NINJ2: variants seen among roughly 807,000 people sequenced by gnomAD.
NINJ2 encodes the protein ninjurin-2.
NINJ2 carries 12 observed loss-of-function variants against 11.7 expected under a neutral mutation model. The ratio of observed to expected loss-of-function variants is 1.02; its 90% CI spans 0.66 to 1.66. NINJ2 has a LOEUF of 1.66. Ranked by LOEUF, NINJ2 falls within the 40% of genes most tolerant of loss-of-function variation. NINJ2 has a pLI of 0.00. For missense variants in NINJ2, 187 were observed against 181.8 expected (o/e 1.03, Z -0.16); for synonymous variants, 93 against 76.8 (o/e 1.21, Z -1.10).
chr12:621,637 T>G (rs554429657), intron 1 of NINJ2, among the ~76,000 whole-genome samples: 1 of 146,290 alleles, frequency 6.8e-6, no homozygotes, highest in Non-Finnish European at 1.5e-5. Flanking sequence ...GCCAACATGG[T>G]GAAACCCCAT....
intron 1 of NINJ2, among the ~76,000 whole-genome samples, chr12:650,850 G>C (rs1937776138): frequency 6.6e-6 from 1 of 152,178 alleles, no homozygotes; most frequent in Non-Finnish European, 1.5e-5. Context: ...TGAAGAAACG[G>C]AAAAATCAAC....
At chr12:630,459 C>T (rs1948266048) in intron 1 of NINJ2, among the ~76,000 whole-genome samples, 1 of 151,906 alleles carries the variant, frequency 6.6e-6, no homozygotes, top group Non-Finnish European at 1.5e-5. Flanking sequence ...ACTGCAAGCT[C>T]CATCTCCCGG....
Position 587,815 on chromosome 12 carries a change from A to T in NINJ2, c.34-21637T>A, listed in dbSNP as rs1302190097. 2.0e-5 allele frequency among the ~76,000 whole-genome samples: 3 copies of T among 152,196 alleles called. 1 individual carries two copies. Among genetic ancestry groups the T allele is most frequent in the Admixed American group, 1.3e-4 (2 of 15,290 alleles). On this transcript the variant is annotated intron_variant, in intron 1 of 3. Coordinates refer to ENST00000305108, the MANE Select transcript of NINJ2 (RefSeq NM_016533.6). ...CTGGGCCCTTCCTCGCCGTCCACCC[A>T]GGAAGCTCTTCCTTCCATTAAGCTG...
At chr12:586,677 C>T (rs1440549795) in intron 1 of NINJ2, among the ~76,000 whole-genome samples, 1 of 152,218 alleles carries the variant, frequency 6.6e-6, no homozygotes, top group Non-Finnish European at 1.5e-5. Context: ...ACAGAACCAT[C>T]GGGGCAAGGG....
At chr12:599,653 A>G (rs1947839640) in intron 1 of NINJ2, among the ~76,000 whole-genome samples, 1 of 152,218 alleles carries the variant, frequency 6.6e-6, no homozygotes, top group Non-Finnish European at 1.5e-5. Flanking sequence ...TCGTGGCTTC[A>G]TTGGAATTTG....
chr12:609,314 TAGGTGCTGAACGCACACGCACGGC>T (rs1392691359), intron 1 of NINJ2, among the ~76,000 whole-genome samples: 2 of 116,288 alleles, frequency 1.7e-5, no homozygotes, highest in Non-Finnish European at 3.9e-5. Flanking sequence ...CGCCACGCGC[TAGGTGCTGAACGCACACGCACGGC>T]GCCACGCTAG....
chr12:569,473 TC>T (rs765834591), intron 1 of NINJ2, among the ~76,000 whole-genome samples: 5 of 152,328 alleles, frequency 3.3e-5, no homozygotes, highest in Non-Finnish European at 5.9e-5. Context: ...TCCTGTCTCT[TC>T]CCCATCCTCC....
chr12:662,416 G>C (rs1937970219), intron 1 of NINJ2, among the ~76,000 whole-genome samples: 1 of 151,950 alleles, frequency 6.6e-6, no homozygotes. Flanking sequence ...GAACGAGAGA[G>C]AGAGAGAGAG....
At chr12:604,981 AAT>A (rs1444120888) in intron 1 of NINJ2, among the ~76,000 whole-genome samples, 4 of 152,220 alleles carry the variant, frequency 2.6e-5, no homozygotes, top group African/African-American at 7.2e-5. Context: ...AGGAAGCAAG[AAT>A]ATGTGTTTAG....
At chr12:611,227 T>TTTCTTTC (rs1565634823) in intron 1 of NINJ2, among the ~76,000 whole-genome samples, 3 of 143,944 alleles carry the variant, frequency 2.1e-5, no homozygotes, top group African/African-American at 7.9e-5. Context: ...CTTTCTTTCT[T>TTTCTTTC]TTTCTTTCTT....
intron 1 of NINJ2, among the ~76,000 whole-genome samples, chr12:583,429 T>C (rs1343596797): frequency 1.3e-5 from 2 of 152,250 alleles, no homozygotes; most frequent in African/African-American, 4.8e-5. Context: ...AGATATCCAG[T>C]TGTTCTCTGG....
At chr12:622,897 G>T (rs1948170709) in intron 1 of NINJ2, among the ~76,000 whole-genome samples, 1 of 152,022 alleles carries the variant, frequency 6.6e-6, no homozygotes, top group Admixed American at 6.6e-5. Flanking sequence ...CCCCGCCCAG[G>T]TTAGGAAAAC....
At chr12:623,723 A>T (rs1459175395) in intron 1 of NINJ2, among the ~76,000 whole-genome samples, 1 of 152,170 alleles carries the variant, frequency 6.6e-6, no homozygotes, top group Non-Finnish European at 1.5e-5. Context: ...TTCAAATACC[A>T]GGATGTTGGG....
chr12:578,665 A>G (rs565389100), intron 1 of NINJ2, among the ~76,000 whole-genome samples: 2 of 152,284 alleles, frequency 1.3e-5, no homozygotes, highest in East Asian at 1.9e-4. Flanking sequence ...GAACCCAGCC[A>G]GGCTCTGGAT....
At chr12:624,513 TA>T (rs1169477416) in intron 1 of NINJ2, among the ~76,000 whole-genome samples, 1 of 152,044 alleles carries the variant, frequency 6.6e-6, no homozygotes, top group Non-Finnish European at 1.5e-5. Context: ...ACACATGGTA[TA>T]AAAAATATAT....
intron 1 of NINJ2, chr12:610,318 A>G: frequency 6.5e-7 from 1 of 1,529,580 alleles, no homozygotes. Context: ...TGAGCTGGTG[A>G]AGATCCCGTG....
Position 645,977 on chromosome 12 carries a change from T to C in NINJ2, c.33+17351A>G, listed in dbSNP as rs778389618. On this transcript the variant is annotated intron_variant, in intron 1 of 3. Transcript: ENST00000305108. ...GGCGAGGGAGGAAGCTGACTTCTTA[T>C]GGGAGGAGGAAAAATACTGCAGGTC... is the stretch of plus-strand genomic sequence containing the variant. The C allele has an allele frequency of 5.9e-5, 9 of 152,168 alleles. No individual in the cohort carries two copies. In the East Asian group the frequency reaches 9.6e-4, roughly 16 times the overall value. 9.4% of individuals were successfully genotyped at this position (152,168 alleles called of 1,614,324 possible). A position where few individuals can be genotyped will look rare whatever the true frequency, so the allele number is the denominator to read the frequency against.
chr12:598,856 C>T (rs923175543), intron 1 of NINJ2, among the ~76,000 whole-genome samples: 1 of 151,870 alleles, frequency 6.6e-6, no homozygotes, highest in Non-Finnish European at 1.5e-5. Flanking sequence ...TGCACCACCA[C>T]ACCCGGCTAG....
intron 1 of NINJ2, among the ~76,000 whole-genome samples, chr12:569,117 A>G (rs1337815792): frequency 3.3e-5 from 5 of 152,084 alleles, no homozygotes; most frequent in Non-Finnish European, 7.4e-5. Context: ...AGGTTGGAGG[A>G]GGTAGGGATG....
Sources: gnomAD v4.1 joint callset for allele counts (sites outside exome capture counted in the v4.1 genomes callset) on GRCh38, gnomAD v4.1.1 for gene constraint, MANE v1.5 for transcripts, NCBI Gene and HGNC (gene_info 2026-07-23, HGNC 2026-07-21) for gene names.